LRCH2: variants seen among roughly 807,000 people sequenced by gnomAD.
LRCH2 encodes leucine-rich repeat and calponin homology domain-containing protein 2.
In LRCH2, 38 loss-of-function variants were observed where a neutral mutation model predicts 68.9. The observed-to-expected ratio is 0.55, with a 90% confidence interval of 0.43 to 0.72. LRCH2 has a LOEUF of 0.72. Ranked by LOEUF, LRCH2 falls within the 30% of genes least tolerant of loss-of-function variation. LRCH2 has a pLI of 0.00. For missense variants in LRCH2, 528 were observed against 572.9 expected (o/e 0.92, Z 0.80); for synonymous variants, 191 against 208.1 (o/e 0.92, Z 0.71).
At chrX:115,138,187 T>C (rs1165407397) in intron 14 of LRCH2, among the ~76,000 whole-genome samples, 1 of 106,481 alleles carries the variant, frequency 9.4e-6, no homozygotes, top group Non-Finnish European at 1.9e-5. Flanking sequence ...CCATACAATC[T>C]AGAAAGGTCA....
Position 115,233,938 on chromosome X carries a change from G to A in LRCH2, c.104C>T (p.Ala35Val). 4 of 1,056,370 alleles carry A rather than the reference G, an allele frequency of 3.8e-6. No individual in the cohort carries two copies. The Admixed American group carries it at 1.1e-4, about 28-fold the overall frequency. 87.1% of individuals were successfully genotyped at this position (1,056,370 alleles called of 1,213,427 possible). Residue 35 changes from alanine (A) to valine (V), a missense_variant, in exon 1 of 21, where the codon GCT becomes GTT. Coordinates refer to ENST00000317135, the MANE Select transcript of LRCH2 (RefSeq NM_020871.4). ...CGTAGGGGGG[A>V]GGGGGGGGGT... is the part of the protein sequence containing the mutation. ...GCCGCCGCCGCCGCCTCCCCCTCCA[G>A]CCCCGCCACCTCCCCCTCCAGCCGT...
chrX:115,168,384 T>C (rs1003195119), intron 6 of LRCH2, among the ~76,000 whole-genome samples: 5 of 111,617 alleles, frequency 4.5e-5, no homozygotes, highest in Non-Finnish European at 1.9e-5. Context: ...CCAGTAGCCA[T>C]ATACAGCCAT....
At chrX:115,145,590 A>G (rs1227684749) in intron 14 of LRCH2, among the ~76,000 whole-genome samples, 3 of 112,045 alleles carry the variant, frequency 2.7e-5, no homozygotes, top group Non-Finnish European at 5.6e-5. Context: ...GCGACTCTTT[A>G]GGAAAGTATC....
At position 115,192,816 on chromosome X, in the gene LRCH2, T is replaced by C. The variant is rs1216174095; in HGVS notation, c.350-4446A>G. The C allele has an allele frequency of 1.9e-5, 9 of 486,427 alleles. No individual in the cohort carries two copies. The African/African-American group carries it at 2.2e-4, about 12-fold the overall frequency. 40.1% of individuals were successfully genotyped at this position (486,427 alleles called of 1,213,427 possible). ...TTGTGAGGAAAAACTTAAAATTAGT[T>C]TGAAATTGTTAATGTTTCTTTCAAC... On this transcript the variant is annotated intron_variant, in intron 1 of 20. Coordinates refer to ENST00000317135, the MANE Select transcript of LRCH2 (RefSeq NM_020871.4).
chrX:115,168,087 A>G (rs1455420337), intron 6 of LRCH2, among the ~76,000 whole-genome samples: 1 of 111,962 alleles, frequency 8.9e-6, no homozygotes, highest in East Asian at 2.8e-4. Flanking sequence ...AAGGACATAC[A>G]GTTATTAAGA....
chrX:115,230,756 G>A (rs1238841875), intron 1 of LRCH2, among the ~76,000 whole-genome samples: 1 of 111,484 alleles, frequency 9.0e-6, no homozygotes, highest in Non-Finnish European at 1.9e-5. Context: ...TGGCTTTAAG[G>A]TTAATAACTA....
At chrX:115,220,911 G>A (rs1363976131) in intron 1 of LRCH2, among the ~76,000 whole-genome samples, 25 of 109,244 alleles carry the variant, frequency 2.3e-4, no homozygotes, top group Non-Finnish European at 4.0e-4. Flanking sequence ...AAACCGGCCA[G>A]GCGCAGTGGC....
intron 1 of LRCH2, among the ~76,000 whole-genome samples, chrX:115,224,681 CAA>C (rs782620582): frequency 2.1e-4 from 12 of 56,175 alleles, no homozygotes; most frequent in Non-Finnish European, 1.4e-4. Flanking sequence ...GAGACTCTGT[CAA>C]AAAAAAAAAA....
intron 14 of LRCH2, among the ~76,000 whole-genome samples, chrX:115,135,635 G>T (rs918799653): frequency 2.7e-5 from 3 of 111,757 alleles, no homozygotes; most frequent in Non-Finnish European, 5.6e-5. Context: ...GCAGTGGCAG[G>T]GTTTTAGAGG....
In LRCH2 at chrX:115,192,477, G is replaced by A. The variant is rs1556561397; in HGVS notation, c.350-4107C>T. On this transcript the variant is annotated intron_variant, in intron 1 of 20. Transcript: ENST00000317135. ...GTTACGGCCGGAGCGACCGCTACTC[G>A]AGGGGTCGAGACCGGGTAGGCAGAC... 6.0e-6 allele frequency: 7 copies of A among 1,170,717 alleles called. No individual in the cohort carries two copies. The East Asian group carries it at 9.7e-5, about 16-fold the overall frequency.
At chrX:115,209,108 A>G (rs2072988817) in intron 1 of LRCH2, among the ~76,000 whole-genome samples, 1 of 112,684 alleles carries the variant, frequency 8.9e-6, no homozygotes, top group Non-Finnish European at 1.9e-5. Flanking sequence ...CTAAATTCAC[A>G]TCAAGAATAA....
In LRCH2 at chrX:115,187,217, A is replaced by G. The variant is rs1367238199; in HGVS notation, c.494+1009T>C. Among the ~76,000 whole-genome samples the G allele has an allele frequency of 2.7e-5, 3 of 111,971 alleles. No homozygotes were observed. In the South Asian group the frequency reaches 1.1e-3, roughly 41 times the overall value. ...CTGGGGGAGTCATACAAAAGAACTG[A>G]TATATCACAGTGAGAAGGGAACATT... On this transcript the variant is annotated intron_variant, in intron 2 of 20. Coordinates refer to ENST00000317135, the MANE Select transcript of LRCH2 (RefSeq NM_020871.4).
intron 1 of LRCH2, among the ~76,000 whole-genome samples, chrX:115,204,393 G>A (rs782124943): frequency 5.7e-4 from 65 of 113,163 alleles, no homozygotes; most frequent in African/African-American, 1.9e-3. Flanking sequence ...TTTCTGCAGC[G>A]GGCTTGAATT....
intron 5 of LRCH2, among the ~76,000 whole-genome samples, chrX:115,173,306 G>T (rs1556548305): frequency 9.0e-6 from 1 of 111,552 alleles, no homozygotes; most frequent in Non-Finnish European, 1.9e-5. Flanking sequence ...GCCTCGATAA[G>T]CCGGGGAAGT....
chrX:115,141,453 TAA>T (rs1477843074), intron 14 of LRCH2, among the ~76,000 whole-genome samples: 2 of 110,926 alleles, frequency 1.8e-5, no homozygotes, highest in Non-Finnish European at 3.8e-5. Flanking sequence ...CATAGGTAGG[TAA>T]GAGACAAATG....
At chrX:115,172,356 T>C (rs2147396188) in intron 5 of LRCH2, among the ~76,000 whole-genome samples, 1 of 112,374 alleles carries the variant, frequency 8.9e-6, no homozygotes, top group African/African-American at 3.2e-5. Context: ...TCTGTTTTCT[T>C]ACATGTAAAA....
At chrX:115,161,133 C>T (rs2072515968) in intron 11 of LRCH2, among the ~76,000 whole-genome samples, 1 of 110,611 alleles carries the variant, frequency 9.0e-6, no homozygotes, top group South Asian at 3.8e-4. Flanking sequence ...CGGGTGGAAC[C>T]CCTGAGGCCA....
In LRCH2 at chrX:115,170,151, G is replaced by T. The variant is rs1450864741; in HGVS notation, c.998+148C>A. The T allele has an allele frequency of 6.3e-5, 28 of 447,194 alleles. No homozygotes were observed. The South Asian group carries it at 1.8e-3, about 29-fold the overall frequency. The allele number at this position is 447,194 out of a possible 1,213,427, so 36.9% of individuals were successfully genotyped here. ...CTAGTATCCTAGAACTTCATTCTAT[G>T]ATGGTGATATGTAGCTTCAGCCAAT... On this transcript the variant is annotated intron_variant, in intron 6 of 20. Coordinates refer to ENST00000317135, the MANE Select transcript of LRCH2 (RefSeq NM_020871.4).
At chrX:115,141,333 G>A (rs1220835187) in intron 14 of LRCH2, among the ~76,000 whole-genome samples, 1 of 111,085 alleles carries the variant, frequency 9.0e-6, no homozygotes, top group Non-Finnish European at 1.9e-5. Context: ...GCACAGCTTT[G>A]GTTTTAAACA....
Sources: allele counts gnomAD v4.1 joint callset (sites outside exome capture counted in the v4.1 genomes callset), GRCh38; gene constraint gnomAD v4.1.1; transcripts MANE v1.5; gene names NCBI Gene and HGNC (gene_info 2026-07-23, HGNC 2026-07-21).